The following MRPL42 variants were observed in gnomAD, a reference collection of about 807,000 sequenced individuals.
The protein encoded by MRPL42 is large ribosomal subunit protein mL42.
In MRPL42, 17 loss-of-function variants were observed where a neutral mutation model predicts 17.9. The observed-to-expected ratio is 0.95, with a 90% confidence interval of 0.65 to 1.42. MRPL42 has a LOEUF of 1.42. Ranked by LOEUF, MRPL42 falls within the 40% of genes most tolerant of loss-of-function variation. The probability of loss-of-function intolerance (pLI) is 0.00; values close to 1 mark genes in which losing one functional copy is unlikely to be tolerated. For synonymous variants in MRPL42, 59 were observed against 54.4 expected, an observed-to-expected ratio of 1.08 and a Z score of -0.37; for missense variants, 177 against 175.2, an observed-to-expected ratio of 1.01 and a Z score of -0.06.
rs1953640892 is a variant in MRPL42 at position 93,504,263 on chromosome 12, C to T, written c.*3042C>T. The stretch of plus-strand genomic sequence containing the variant: ...TCAAGTGATTCTCCTGCCTCAGCCT[C>T]CTTAAGTAGTTGGGATTACAAGTGT... On this transcript the variant is annotated 3_prime_UTR_variant, in exon 6 of 6. Coordinates refer to ENST00000549982, the MANE Select transcript of MRPL42 (RefSeq NM_014050.4). 6.5e-6 allele frequency: 1 copy of T among 154,112 alleles called. No homozygotes were observed. The highest frequency in any genetic ancestry group is 2.0e-4 in the South Asian group (1 of 4,910). The allele number at this position is 154,112 out of a possible 1,614,324, so 9.5% of individuals were successfully genotyped here.
At chr12:93,473,529 T>G (rs1880008301) in intron 2 of MRPL42, among the ~76,000 whole-genome samples, 1 of 152,106 alleles carries the variant, frequency 6.6e-6, no homozygotes, top group Non-Finnish European at 1.5e-5. Flanking sequence ...CCTCCCAGAT[T>G]CAAGTGATTT....
At position 93,492,456 on chromosome 12, in the gene MRPL42, C is replaced by T. The variant is rs555697407; in HGVS notation, c.383+4796C>T. Among the ~76,000 whole-genome samples, 22 of 152,192 alleles carry T rather than the reference C, an allele frequency of 1.4e-4. No individual in the cohort carries two copies. The South Asian group carries it at 3.7e-3, about 26-fold the overall frequency. Reference sequence around the variant, plus strand: ...AAGTGTCTGTTCATGTTCCCTAGCCCACTTTTTAATGGAATTACTTATTTT... The same window carrying T: ...AAGTGTCTGTTCATGTTCCCTAGCCTACTTTTTAATGGAATTACTTATTTT... On this transcript the variant is annotated intron_variant, in intron 5 of 5. Transcript: ENST00000549982.
At position 93,468,874 on chromosome 12, in the gene MRPL42, T is replaced by C. The variant is rs188402549; in HGVS notation, c.-94-318T>C. On this transcript the variant is annotated intron_variant, in intron 1 of 5. Transcript: ENST00000549982. The stretch of plus-strand genomic sequence containing the variant: ...TAGCATTAAAAGAATGAATACTCTG[T>C]GTACCATTTGTGAGTGACTGTTTCA... Among the ~76,000 whole-genome samples the C allele has an allele frequency of 7.9e-3, 1,208 of 152,262 alleles. 6 individuals carry two copies. The highest frequency in any genetic ancestry group is 0.014 in the Middle Eastern group (4 of 294).
At position 93,513,678 on chromosome 12, in the gene MRPL42, G is replaced by A. The variant is rs1234894068; in HGVS notation, c.*12457G>A. On this transcript the variant is annotated 3_prime_UTR_variant, in exon 6 of 6. Coordinates refer to ENST00000549982, the MANE Select transcript of MRPL42 (RefSeq NM_014050.4). ...TTTTTAAATAATTTTTTCTCTTTCC[G>A]TTTTATGTGTGTTCCAATTCTATTT... The A allele has an allele frequency of 2.0e-5, 3 of 151,820 alleles. No homozygotes were observed. The highest frequency in any genetic ancestry group is 2.1e-4 in the South Asian group (1 of 4,794). The allele number at this position is 151,820 out of a possible 1,614,324, so 9.4% of individuals were successfully genotyped here.
In MRPL42 at chr12:93,515,647, ACAT is replaced by A. The variant is rs1019688068; in HGVS notation, c.*14429_*14431del. 6.6e-6 allele frequency: 1 copy of A among 152,162 alleles called. No individual in the cohort carries two copies. Among genetic ancestry groups the A allele is most frequent in the Non-Finnish European group, 1.5e-5 (1 of 68,064 alleles). The allele number at this position is 152,162 out of a possible 1,614,324, so 9.4% of individuals were successfully genotyped here. ...GCCTCCCAAAGGGCTGGGATTACAG[ACAT>A]CAGCCACTGCACCTGGGTTGGCAAC... On this transcript the variant is annotated 3_prime_UTR_variant, in exon 6 of 6. Coordinates refer to ENST00000549982, the MANE Select transcript of MRPL42 (RefSeq NM_014050.4).
intron 1 of MRPL42, 134 bp from the exon 2 acceptor site, chr12:93,469,058 G>T: frequency 2.1e-6 from 1 of 471,778 alleles, no homozygotes; most frequent in Non-Finnish European, 3.7e-6. Flanking sequence ...GTTCAATCAT[G>T]TGGAATTGCC....
intron 2 of MRPL42, among the ~76,000 whole-genome samples, chr12:93,474,007 G>C (rs1462971941): frequency 6.6e-6 from 1 of 152,186 alleles, no homozygotes; most frequent in Admixed American, 6.5e-5. Context: ...ATTTAGACTT[G>C]TAGGTGAAAC....
At chr12:93,484,405 T>C (rs1321061910) in intron 4 of MRPL42, among the ~76,000 whole-genome samples, 1 of 152,090 alleles carries the variant, frequency 6.6e-6, no homozygotes, top group Non-Finnish European at 1.5e-5. Context: ...TATACATAAT[T>C]GTATGTGCTA....
In MRPL42 at chr12:93,501,268, A is replaced by G. The variant is rs200858092; in HGVS notation, c.*47A>G. 1.4e-6 allele frequency: 2 copies of G among 1,469,026 alleles called. No individual in the cohort carries two copies. The highest frequency in any genetic ancestry group is 1.9e-6 in the Non-Finnish European group (2 of 1,071,904). 91.0% of individuals were successfully genotyped at this position (1,469,026 alleles called of 1,614,324 possible). ...CAAAGAGAAATGTGCCTCATTTGCC[A>G]TTTGAGAAAATGCAGTCTGGTGTAT... On this transcript the variant is annotated 3_prime_UTR_variant, in exon 6 of 6. Transcript: ENST00000549982.
At chr12:93,486,464 C>T (rs1880746137) in intron 4 of MRPL42, among the ~76,000 whole-genome samples, 1 of 152,182 alleles carries the variant, frequency 6.6e-6, no homozygotes, top group African/African-American at 2.4e-5. Context: ...CCTTCCTCAG[C>T]CTCCTGAGTA....
Position 93,484,099 on chromosome 12 carries a change from G to A in MRPL42, c.220-3398G>A, listed in dbSNP as rs1880593233. ...CCTATGATAACAGTGTCTTCTTCTGGAATACCTCCTGAGGGGCTTGCCTGA... is the reference window on the plus strand; with the variant it reads ...CCTATGATAACAGTGTCTTCTTCTGAAATACCTCCTGAGGGGCTTGCCTGA... On this transcript the variant is annotated intron_variant, in intron 4 of 5. Coordinates refer to ENST00000549982, the MANE Select transcript of MRPL42 (RefSeq NM_014050.4). Among the ~76,000 whole-genome samples, 4 of 152,168 alleles carry A rather than the reference G, an allele frequency of 2.6e-5. No individual in the cohort carries two copies. In the South Asian group the frequency reaches 8.3e-4, roughly 32 times the overall value.
At chr12:93,471,768 A>G (rs1164413494) in intron 2 of MRPL42, among the ~76,000 whole-genome samples, 2 of 152,232 alleles carry the variant, frequency 1.3e-5, no homozygotes, top group Non-Finnish European at 2.9e-5. Flanking sequence ...GACTTTGGAT[A>G]TAAACCAAAA....
rs1000731298 is a variant in MRPL42 at position 93,509,149 on chromosome 12, C to T, written c.*7928C>T. ...GTTGCAGTGGGCCAAGATCACACCA[C>T]TGCACTCCAGTCTGGGTGATAAAAC... On this transcript the variant is annotated 3_prime_UTR_variant, in exon 6 of 6. Transcript: ENST00000549982. The T allele has an allele frequency of 6.8e-6, 1 of 146,794 alleles. No individual in the cohort carries two copies. Among genetic ancestry groups the T allele is most frequent in the Non-Finnish European group, 1.5e-5 (1 of 67,342 alleles). 9.1% of individuals were successfully genotyped at this position (146,794 alleles called of 1,614,324 possible). A position where few individuals can be genotyped will look rare whatever the true frequency, so the allele number is the denominator to read the frequency against.
intron 4 of MRPL42, among the ~76,000 whole-genome samples, chr12:93,485,754 C>G (rs1880711676): frequency 6.6e-6 from 1 of 152,068 alleles, no homozygotes; most frequent in African/African-American, 2.4e-5. Context: ...CTTAATATCA[C>G]TTAATATTTA....
Position 93,505,419 on chromosome 12 carries a change from A to AAAC in MRPL42, c.*4199_*4201dup, listed in dbSNP as rs1953658664. On this transcript the variant is annotated 3_prime_UTR_variant, in exon 6 of 6. Coordinates refer to ENST00000549982, the MANE Select transcript of MRPL42 (RefSeq NM_014050.4). ...CAGCCCACAAACACTGGTAGTAAGC[A>AAAC]AACTATTTTATTTGCTAAAGGCATA... is the stretch of plus-strand genomic sequence containing the variant. 6.6e-6 allele frequency: 1 copy of AAAC among 152,222 alleles called. No homozygotes were observed. The highest frequency in any genetic ancestry group is 2.4e-5 in the African/African-American group (1 of 41,452). The allele number at this position is 152,222 out of a possible 1,614,324, so 9.4% of individuals were successfully genotyped here.
chr12:93,470,532 A>G (rs1879860795), intron 2 of MRPL42: 2 of 1,296,242 alleles, frequency 1.5e-6, no homozygotes, highest in African/African-American at 1.5e-5. Flanking sequence ...TATTACATAT[A>G]CTGAGGTTTG....
At chr12:93,489,591 T>C (rs868238452) in intron 5 of MRPL42, among the ~76,000 whole-genome samples, 24 of 152,114 alleles carry the variant, frequency 1.6e-4, no homozygotes, top group Admixed American at 2.0e-4. Flanking sequence ...TGGAGTGCAG[T>C]GGTGTGATCT....
chr12:93,503,173 A>G lies in MRPL42; in HGVS notation c.*1952A>G, dbSNP rs1159010154. ...CATTTAGCTTCATGAAAAACTCACT[A>G]CACAGTTCTTGTTCAAGCATTATTG... is the stretch of plus-strand genomic sequence containing the variant. On this transcript the variant is annotated 3_prime_UTR_variant, in exon 6 of 6. Transcript: ENST00000549982. 6.6e-6 allele frequency: 1 copy of G among 152,136 alleles called. No individual in the cohort carries two copies. The highest frequency in any genetic ancestry group is 1.5e-5 in the Non-Finnish European group (1 of 68,026). 9.4% of individuals were successfully genotyped at this position (152,136 alleles called of 1,614,324 possible). A position where few individuals can be genotyped will look rare whatever the true frequency, so the allele number is the denominator to read the frequency against.
At position 93,502,223 on chromosome 12, in the gene MRPL42, C is replaced by T. The variant is rs1413705970; in HGVS notation, c.*1002C>T. The stretch of plus-strand genomic sequence containing the variant: ...AGAACACATGCAAACAGCTGCAGCT[C>T]TGTGATTAAAATGTTAAGGTCACTA... On this transcript the variant is annotated 3_prime_UTR_variant, in exon 6 of 6. Transcript: ENST00000549982. 1 of 152,116 alleles carries T rather than the reference C, an allele frequency of 6.6e-6. No homozygotes were observed. Among genetic ancestry groups the T allele is most frequent in the African/African-American group, 2.4e-5 (1 of 41,406 alleles). The allele number at this position is 152,116 out of a possible 1,614,324, so 9.4% of individuals were successfully genotyped here. A position where few individuals can be genotyped will look rare whatever the true frequency, so the allele number is the denominator to read the frequency against.
Sources: gnomAD v4.1 joint callset for allele counts (sites outside exome capture counted in the v4.1 genomes callset) on GRCh38, gnomAD v4.1.1 for gene constraint, MANE v1.5 for transcripts, NCBI Gene and HGNC (gene_info 2026-07-23, HGNC 2026-07-21) for gene names.